Variants in SORCS2 observed in about 807,000 individuals in gnomAD.
The protein encoded by SORCS2 is sortilin related VPS10 domain containing receptor 2.
SORCS2 carries 100 observed loss-of-function variants against 141.6 expected under a neutral mutation model. The ratio of observed to expected loss-of-function variants is 0.71; its 90% CI spans 0.60 to 0.83. SORCS2 has a LOEUF of 0.83. Ranked by LOEUF, SORCS2 falls within the 40% of genes least tolerant of loss-of-function variation. SORCS2 has a pLI of 0.00. For missense variants in SORCS2, 1,646 were observed against 1,560.2 expected, an observed-to-expected ratio of 1.05 and a Z score of -0.93; for synonymous variants, 789 against 676.9, an observed-to-expected ratio of 1.17 and a Z score of -2.57.
At chr4:7,594,074 A>G (rs916719621) in intron 3 of SORCS2, among the ~76,000 whole-genome samples, 4 of 152,192 alleles carry the variant, frequency 2.6e-5, no homozygotes, top group African/African-American at 9.7e-5. Flanking sequence ...TACCAAAATG[A>G]AAGCACCCAA....
chr4:7,524,080 T>C (rs1486222330), intron 2 of SORCS2, among the ~76,000 whole-genome samples: 1 of 152,200 alleles, frequency 6.6e-6, no homozygotes, highest in Non-Finnish European at 1.5e-5. Flanking sequence ...GCTCAGTCAG[T>C]GCAACTGCCT....
At chr4:7,257,502 C>T (rs1015465933) in intron 1 of SORCS2, among the ~76,000 whole-genome samples, 1 of 152,064 alleles carries the variant, frequency 6.6e-6, no homozygotes, top group African/African-American at 2.4e-5. Flanking sequence ...GCAGGGAGCC[C>T]GGCCAAGATT....
intron 1 of SORCS2, among the ~76,000 whole-genome samples, chr4:7,366,213 C>T (rs1560221865): frequency 6.6e-6 from 1 of 152,042 alleles, no homozygotes; most frequent in Non-Finnish European, 1.5e-5. Flanking sequence ...TTCCTTCCTC[C>T]CTCTCTTCCC....
At chr4:7,278,668 C>A (rs1264604152) in intron 1 of SORCS2, among the ~76,000 whole-genome samples, 1 of 152,190 alleles carries the variant, frequency 6.6e-6, no homozygotes, top group Non-Finnish European at 1.5e-5. Flanking sequence ...GTGGGCCCAG[C>A]ACATGCGCTT....
chr4:7,564,990 A>T (rs1714864064), intron 3 of SORCS2, among the ~76,000 whole-genome samples: 1 of 152,122 alleles, frequency 6.6e-6, no homozygotes, highest in African/African-American at 2.4e-5. Context: ...GTGCACCGGC[A>T]GGCTTTGGAA....
At chr4:7,418,702 A>ACCCCCCCC (rs67571622) in intron 2 of SORCS2, among the ~76,000 whole-genome samples, 2 of 95,562 alleles carry the variant, frequency 2.1e-5, no homozygotes, top group Non-Finnish European at 4.4e-5. Flanking sequence ...GTAACAAATG[A>ACCCCCCCC]CCCCCCCCCC....
intron 4 of SORCS2, among the ~76,000 whole-genome samples, chr4:7,647,068 G>A (rs1394331225): frequency 6.6e-6 from 1 of 152,120 alleles, no homozygotes; most frequent in Admixed American, 6.5e-5. Flanking sequence ...ACGCTGTCCC[G>A]AAAAACAGGA....
intron 2 of SORCS2, among the ~76,000 whole-genome samples, chr4:7,503,086 G>GCTGGGGAATATAT (rs896230445): frequency 6.6e-6 from 1 of 152,192 alleles, no homozygotes; most frequent in African/African-American, 2.4e-5. Flanking sequence ...GTGCACAGGG[G>GCTGGGGAATATAT]CTGGGGAATA....
At chr4:7,571,214 G>A (rs1375178650) in intron 3 of SORCS2, among the ~76,000 whole-genome samples, 2 of 152,184 alleles carry the variant, frequency 1.3e-5, no homozygotes, top group Non-Finnish European at 2.9e-5. Flanking sequence ...TCTGCGCATC[G>A]CCCCTGGGCC....
chr4:7,209,006 C>T (rs1727905132), intron 1 of SORCS2, among the ~76,000 whole-genome samples: 1 of 152,228 alleles, frequency 6.6e-6, no homozygotes, highest in Admixed American at 6.5e-5. Context: ...CCGGACCACA[C>T]TTCTGCCCTC....
At chr4:7,310,398 A>T (rs552424157) in intron 1 of SORCS2, 1 of 154,470 alleles carries the variant, frequency 6.5e-6, no homozygotes, top group Non-Finnish European at 1.5e-5. Context: ...CTCCCTATCC[A>T]CATTGACCGG....
chr4:7,369,027 G>A (rs1447673090), intron 1 of SORCS2, among the ~76,000 whole-genome samples: 2 of 152,128 alleles, frequency 1.3e-5, no homozygotes, highest in African/African-American at 4.8e-5. Flanking sequence ...TCTTTCTTAG[G>A]CTGGTGTGGT....
At chr4:7,444,151 C>A (rs767252946) in intron 2 of SORCS2, among the ~76,000 whole-genome samples, 1 of 152,318 alleles carries the variant, frequency 6.6e-6, no homozygotes, top group South Asian at 2.1e-4. Flanking sequence ...TTTTCATACG[C>A]GTATTCAGCA....
intron 3 of SORCS2, among the ~76,000 whole-genome samples, chr4:7,551,196 C>G (rs1194243607): frequency 6.6e-6 from 1 of 152,184 alleles, no homozygotes; most frequent in African/African-American, 2.4e-5. Context: ...TATTGTTGGT[C>G]AAGATCTCTC....
rs1325143299 is a variant in SORCS2, at chr4:7,279,864, G to A, written c.480+86738G>A. Among the ~76,000 whole-genome samples the A allele has an allele frequency of 1.7e-4, 13 of 74,380 alleles. 1 individual carries two copies. In the South Asian group the frequency reaches 2.6e-3, roughly 15 times the overall value. 48.8% of individuals were successfully genotyped at this position (74,380 alleles called of 152,430 possible). A position where few individuals can be genotyped will look rare whatever the true frequency, so the allele number is the denominator to read the frequency against. On this transcript the variant is annotated intron_variant, in intron 1 of 26. Transcript: ENST00000507866. The stretch of plus-strand genomic sequence containing the variant: ...TTTCTGGACGCACCTCCCCTCCCCC[G>A]CCCCCCAATTAATCCACTGTGTTAC...
At chr4:7,443,182 T>C (rs1240818555) in intron 2 of SORCS2, among the ~76,000 whole-genome samples, 2 of 152,228 alleles carry the variant, frequency 1.3e-5, no homozygotes, top group Non-Finnish European at 2.9e-5. Flanking sequence ...GGGTTAGGAC[T>C]TGAACATATC....
At chr4:7,712,878 G>C (rs530969956) in intron 15 of SORCS2, 25 bp downstream of exon 15, 1 of 1,612,082 alleles carries the variant, frequency 6.2e-7, no homozygotes, top group Non-Finnish European at 8.5e-7. Flanking sequence ...GGCTGGGATC[G>C]GGCAGGTGGG....
At chr4:7,501,736 G>A (rs1731990034) in intron 2 of SORCS2, among the ~76,000 whole-genome samples, 1 of 152,138 alleles carries the variant, frequency 6.6e-6, no homozygotes. Flanking sequence ...TCCTTCTCCT[G>A]CTCTCTCTTT....
At chr4:7,691,434 A>G (rs538998960) in intron 11 of SORCS2, among the ~76,000 whole-genome samples, 1 of 152,286 alleles carries the variant, frequency 6.6e-6, no homozygotes, top group Admixed American at 6.5e-5. Context: ...GGTGAAGCCT[A>G]CGTGCAGGGC....
Sources: gnomAD v4.1 joint callset for allele counts (sites outside exome capture counted in the v4.1 genomes callset) on GRCh38, gnomAD v4.1.1 for gene constraint, MANE v1.5 for transcripts, NCBI Gene and HGNC (gene_info 2026-07-23, HGNC 2026-07-21) for gene names.